Variants in WWP2 observed in about 807,000 individuals in gnomAD.
WWP2 encodes WW domain containing E3 ubiquitin protein ligase 2.
WWP2 carries 57 observed loss-of-function variants against 121.0 expected under a neutral mutation model. The observed-to-expected ratio is 0.47, with a 90% CI of 0.38 to 0.59. WWP2 has a LOEUF of 0.59. WWP2 is among the 20% of genes least tolerant of loss of function. The pLI, the probability that WWP2 is intolerant of heterozygous loss-of-function variation, is 0.00. For synonymous variants in WWP2, 449 were observed against 441.3 expected (o/e 1.02, Z -0.22); for missense variants, 962 against 1,158.9 (o/e 0.83, Z 2.47).
chr16:69,862,709 T>C (rs12926287), intron 6 of WWP2, among the ~76,000 whole-genome samples: 7 of 102,078 alleles, frequency 6.9e-5, no homozygotes, highest in African/African-American at 5.4e-4. Flanking sequence ...CCATGAATTC[T>C]TTTTTTTTTT....
At chr16:69,773,437 C>T (rs1288976378) in intron 1 of WWP2, among the ~76,000 whole-genome samples, 1 of 152,130 alleles carries the variant, frequency 6.6e-6, no homozygotes, top group East Asian at 1.9e-4. Flanking sequence ...CCTCGGCCTC[C>T]CAAAGTGCTA....
rs1386406879 is a variant in WWP2, at chr16:69,937,885, G to A, written c.2343+233G>A. On this transcript the variant is annotated intron_variant, in intron 21 of 23. Coordinates refer to ENST00000359154, the MANE Select transcript of WWP2 (RefSeq NM_001270454.2). The surrounding 1 kb of genome is among the most constrained non-coding windows in gnomAD (Gnocchi z 6.6). ...AGTGGTCAGCCTTGGGCCAGCTGGTGTGCAGGGACAGACCTGCAGGCAGAC... is the reference window on the plus strand; with the variant it reads ...AGTGGTCAGCCTTGGGCCAGCTGGTATGCAGGGACAGACCTGCAGGCAGAC... 6.6e-6 allele frequency among the ~76,000 whole-genome samples: 1 copy of A among 152,196 alleles called. No individual in the cohort carries two copies. The highest frequency in any genetic ancestry group is 1.5e-5 in the Non-Finnish European group (1 of 68,028).
chr16:69,806,933 G>GTTTT lies in WWP2; in HGVS notation c.340+7639_340+7642dup, dbSNP rs576985885. On this transcript the variant is annotated intron_variant, in intron 4 of 23. Transcript: ENST00000359154. ...CTTTTCTACTATTTGCCCTAGATCT[G>GTTTT]TTTTATTTATTTATTTATTTATTCA... 1.6e-3 allele frequency among the ~76,000 whole-genome samples: 226 copies of GTTTT among 139,376 alleles called. 1 individual carries two copies. Among genetic ancestry groups the GTTTT allele is most frequent in the South Asian group, 0.011 (49 of 4,618 alleles). The allele number at this position is 139,376 out of a possible 152,430, so 91.4% of individuals were successfully genotyped here.
chr16:69,779,995 T>C (rs1039953969), intron 1 of WWP2, among the ~76,000 whole-genome samples: 28 of 152,152 alleles, frequency 1.8e-4, no homozygotes, highest in African/African-American at 2.4e-5. Context: ...CATTTTGCCA[T>C]ATTTGCCCCA....
intron 7 of WWP2, among the ~76,000 whole-genome samples, chr16:69,877,459 G>A (rs1353099478): frequency 1.3e-5 from 2 of 152,134 alleles, no homozygotes; most frequent in African/African-American, 2.4e-5. Flanking sequence ...ACTCCCTATC[G>A]CTTTCTCCCT....
chr16:69,807,079 A>C (rs1220883533), intron 4 of WWP2, among the ~76,000 whole-genome samples: 1 of 150,082 alleles, frequency 6.7e-6, no homozygotes, highest in African/African-American at 2.5e-5. Context: ...CCCAGGATGG[A>C]GTGCAATGGC....
At chr16:69,825,663 T>C (rs1018280780) in intron 4 of WWP2, among the ~76,000 whole-genome samples, 2 of 151,254 alleles carry the variant, frequency 1.3e-5, no homozygotes, top group African/African-American at 4.9e-5. Context: ...TTTTGTTCTG[T>C]TGCCCAGGCT....
chr16:69,765,058 G>A (rs754049537), intron 1 of WWP2, among the ~76,000 whole-genome samples: 7 of 152,034 alleles, frequency 4.6e-5, no homozygotes, highest in Non-Finnish European at 1.0e-4. Flanking sequence ...ACAAAAATTA[G>A]CCAGGTGCAG....
At chr16:69,877,823 A>T (rs1567401235) in intron 7 of WWP2, among the ~76,000 whole-genome samples, 1 of 152,020 alleles carries the variant, frequency 6.6e-6, no homozygotes, top group South Asian at 2.1e-4. Context: ...TTATTTATTT[A>T]TTGAGATGGA....
chr16:69,802,999 T>TA (rs2056202626), intron 4 of WWP2, among the ~76,000 whole-genome samples: 1 of 152,118 alleles, frequency 6.6e-6, no homozygotes. Context: ...AATAAATACT[T>TA]ATGAGACCTG....
intron 7 of WWP2, among the ~76,000 whole-genome samples, chr16:69,880,496 TGTAA>T (rs1474508071): frequency 6.6e-6 from 1 of 152,184 alleles, no homozygotes; most frequent in Non-Finnish European, 1.5e-5. Context: ...CACAGTAGGA[TGTAA>T]GTAGGAACTG....
chr16:69,859,695 C>T (rs938137179), intron 6 of WWP2, among the ~76,000 whole-genome samples: 4 of 152,094 alleles, frequency 2.6e-5, no homozygotes, highest in Non-Finnish European at 5.9e-5. Flanking sequence ...CCCCTGGCCC[C>T]GACCCCTGCA....
Position 69,825,619 on chromosome 16 carries a change from T to G in WWP2, c.341-14507T>G, listed in dbSNP as rs947415088. The stretch of plus-strand genomic sequence containing the variant: ...ACGATATGATATAGCAGAAGTGGGT[T>G]TTTTTTTTTTGGTTTTTTTTTTTGG... On this transcript the variant is annotated intron_variant, in intron 4 of 23. Transcript: ENST00000359154. Among the ~76,000 whole-genome samples the G allele has an allele frequency of 7.3e-5, 11 of 149,788 alleles. 1 individual carries two copies. In the South Asian group the frequency reaches 1.9e-3, roughly 26 times the overall value.
chr16:69,883,152 CAAA>C (rs111625113), intron 7 of WWP2, among the ~76,000 whole-genome samples: 3 of 120,964 alleles, frequency 2.5e-5, no homozygotes, highest in African/African-American at 8.9e-5. Context: ...GACTCCATCT[CAAA>C]AAAAAAAAAA....
intron 8 of WWP2, among the ~76,000 whole-genome samples, chr16:69,895,350 GTTGTT>G (rs1297962396): frequency 2.6e-5 from 4 of 152,190 alleles, no homozygotes; most frequent in Non-Finnish European, 4.4e-5. Flanking sequence ...CTTTTTGGTT[GTTGTT>G]TTGTTTTAAT....
intron 4 of WWP2, among the ~76,000 whole-genome samples, chr16:69,815,245 A>G (rs1024835289): frequency 7.6e-4 from 116 of 152,210 alleles, no homozygotes; most frequent in African/African-American, 2.7e-3. Context: ...TCAGGTGATC[A>G]GGCCATCTTG....
At chr16:69,927,848 G>T (rs2058660917) in intron 11 of WWP2, among the ~76,000 whole-genome samples, 1 of 152,162 alleles carries the variant, frequency 6.6e-6, no homozygotes. Context: ...ACAAAATAGA[G>T]ATGAAGTCTC....
At chr16:69,877,893 C>T (rs535192498) in intron 7 of WWP2, among the ~76,000 whole-genome samples, 45 of 152,220 alleles carry the variant, frequency 3.0e-4, no homozygotes, top group Admixed American at 2.1e-3. Flanking sequence ...CTGCAACCTC[C>T]GCCTCCCAGG....
At chr16:69,789,576 G>GA (rs111383464) in intron 2 of WWP2, among the ~76,000 whole-genome samples, 12 of 152,126 alleles carry the variant, frequency 7.9e-5, no homozygotes, top group African/African-American at 2.6e-4. Context: ...CTCCTCCTTG[G>GA]AAAAAACCAG....
Sources: gnomAD v4.1 joint callset for allele counts (sites outside exome capture counted in the v4.1 genomes callset) on GRCh38, gnomAD v4.1.1 for gene constraint, Gnocchi (gnomAD v3.1) non-coding constraint, MANE v1.5 for transcripts, NCBI Gene and HGNC (gene_info 2026-07-23, HGNC 2026-07-21) for gene names.